ROBO2: variants seen among roughly 807,000 people sequenced by gnomAD.
ROBO2 encodes roundabout homolog 2.
Under a neutral mutation model 160.8 loss-of-function variants are expected in ROBO2, and 53 were observed. That is an observed-to-expected ratio of 0.33 (90% confidence interval 0.26 to 0.41). ROBO2 has a LOEUF of 0.41. ROBO2 is among the 10% of genes least tolerant of loss of function. The pLI is 1.00. For synonymous variants in ROBO2, 664 were observed against 611.7 expected (o/e 1.09, Z -1.26); for missense variants, 1,577 against 1,722.4 (o/e 0.92, Z 1.49).
intron 2 of ROBO2, among the ~76,000 whole-genome samples, chr3:77,126,177 C>T (rs546892094): frequency 7.2e-5 from 11 of 152,296 alleles, no homozygotes; most frequent in African/African-American, 2.6e-4. Flanking sequence ...AGAGTAACCT[C>T]ATTACAGTCA....
intron 2 of ROBO2, among the ~76,000 whole-genome samples, chr3:77,183,293 T>C (rs1560182999): frequency 6.6e-6 from 1 of 152,074 alleles, no homozygotes; most frequent in Non-Finnish European, 1.5e-5. Context: ...ACTGGACATA[T>C]GCCTGGGTGG....
intron 2 of ROBO2, among the ~76,000 whole-genome samples, chr3:76,651,534 G>C (rs2091257653): frequency 6.6e-6 from 1 of 151,798 alleles, no homozygotes; most frequent in Admixed American, 6.6e-5. Context: ...TTAAATGAGA[G>C]AGATGACTAG....
intron 2 of ROBO2, among the ~76,000 whole-genome samples, chr3:76,209,413 C>A (rs1019082536): frequency 2.6e-5 from 4 of 152,056 alleles, no homozygotes; most frequent in Admixed American, 6.6e-5. Flanking sequence ...ATATAAGATT[C>A]TCTTTAGTCC....
intron 2 of ROBO2, among the ~76,000 whole-genome samples, chr3:76,808,530 A>G (rs944839849): frequency 6.6e-6 from 1 of 152,172 alleles, no homozygotes; most frequent in Non-Finnish European, 1.5e-5. Context: ...AATATAAAAA[A>G]GTTAAAATAT....
At chr3:76,450,460 A>G (rs2077418378) in intron 2 of ROBO2, among the ~76,000 whole-genome samples, 1 of 152,170 alleles carries the variant, frequency 6.6e-6, no homozygotes, top group African/African-American at 2.4e-5. Flanking sequence ...TCTGGCAGAA[A>G]AAAATGATGA....
intron 2 of ROBO2, among the ~76,000 whole-genome samples, chr3:76,978,925 T>G (rs1487327721): frequency 2.2e-5 from 3 of 138,038 alleles, no homozygotes; most frequent in Admixed American, 7.4e-5. Flanking sequence ...GAGTTTTTTT[T>G]GTTTGTTTGT....
chr3:77,036,391 G>C (rs1044650969), upstream of ROBO2, among the ~76,000 whole-genome samples: 1 of 151,952 alleles, frequency 6.6e-6, no homozygotes, highest in African/African-American at 2.4e-5. Flanking sequence ...ACGTTGAAAA[G>C]AGTAAAAAAG....
intron 2 of ROBO2, among the ~76,000 whole-genome samples, chr3:76,001,350 T>G (rs769468520): frequency 6.6e-6 from 1 of 152,240 alleles, no homozygotes; most frequent in Non-Finnish European, 1.5e-5. Context: ...GTGTTATTAT[T>G]GTTGTTACTT....
At chr3:76,217,780 GA>G (rs1703659393) in intron 2 of ROBO2, among the ~76,000 whole-genome samples, 1 of 152,014 alleles carries the variant, frequency 6.6e-6, no homozygotes, top group South Asian at 2.1e-4. Flanking sequence ...CCAATCAATA[GA>G]AAAAGAGGGA....
At chr3:77,286,256 C>A (rs902911932) in intron 2 of ROBO2, among the ~76,000 whole-genome samples, 1 of 119,878 alleles carries the variant, frequency 8.3e-6, no homozygotes, top group Non-Finnish European at 1.7e-5. Flanking sequence ...AATTATGGAG[C>A]TTTTTTTTTT....
chr3:76,762,558 G>T (rs1372710820), intron 2 of ROBO2, among the ~76,000 whole-genome samples: 2 of 150,998 alleles, frequency 1.3e-5, no homozygotes, highest in Non-Finnish European at 3.0e-5. Context: ...CCATCTTTTG[G>T]TCGGATTATA....
intron 2 of ROBO2, among the ~76,000 whole-genome samples, chr3:76,464,133 A>G (rs1476309965): frequency 1.3e-5 from 2 of 152,166 alleles, no homozygotes; most frequent in Non-Finnish European, 2.9e-5. Flanking sequence ...GTTATGAAGT[A>G]TAGATTCAGA....
intron 2 of ROBO2, among the ~76,000 whole-genome samples, chr3:76,934,210 G>A (rs1474821821): frequency 5.9e-4 from 84 of 142,530 alleles, no homozygotes; most frequent in Non-Finnish European, 6.5e-4. Context: ...ATCGAAAATA[G>A]AAAAAAAAAA....
intron 2 of ROBO2, among the ~76,000 whole-genome samples, chr3:77,180,388 TTC>T (rs369947015): frequency 0.037 from 3,721 of 99,382 alleles, 216 homozygotes; most frequent in African/African-American, 0.11. Context: ...ACCTTTTGAA[TTC>T]TCTCTCTCTC....
chr3:76,595,711 C>T (rs1370795039), intron 2 of ROBO2, among the ~76,000 whole-genome samples: 2 of 151,970 alleles, frequency 1.3e-5, no homozygotes, highest in Admixed American at 1.3e-4. Context: ...GTTTTTCTGC[C>T]TTCTTATGAA....
At chr3:77,471,448 A>G (rs1003701617) in intron 2 of ROBO2, among the ~76,000 whole-genome samples, 3 of 152,322 alleles carry the variant, frequency 2.0e-5, no homozygotes, top group African/African-American at 7.2e-5. Context: ...TGAGTCCTCA[A>G]GGGTTTTTGG....
intron 2 of ROBO2, among the ~76,000 whole-genome samples, chr3:77,129,369 T>C (rs2075640047): frequency 6.6e-6 from 1 of 152,204 alleles, no homozygotes; most frequent in Admixed American, 6.5e-5. Flanking sequence ...ACATCTTTAT[T>C]AATCAAAATA....
intron 2 of ROBO2, among the ~76,000 whole-genome samples, chr3:76,483,661 C>A (rs748811656): frequency 4.6e-5 from 7 of 152,080 alleles, no homozygotes; most frequent in Non-Finnish European, 8.8e-5. Context: ...TATTTCACCA[C>A]CCAGGTAGTA....
intron 2 of ROBO2, among the ~76,000 whole-genome samples, chr3:76,844,434 C>T (rs2068589518): frequency 6.6e-6 from 1 of 151,874 alleles, no homozygotes; most frequent in Non-Finnish European, 1.5e-5. Context: ...AATGGTTTCT[C>T]ACTTCAAGGC....
Sources: allele counts gnomAD v4.1 joint callset (sites outside exome capture counted in the v4.1 genomes callset), GRCh38; gene constraint gnomAD v4.1.1; transcripts MANE v1.5; gene names NCBI Gene and HGNC (gene_info 2026-07-23, HGNC 2026-07-21).